KIAA0513: variants seen among roughly 807,000 people sequenced by gnomAD.
KIAA0513 encodes the protein KIAA0513.
Under a neutral mutation model 56.5 loss-of-function variants are expected in KIAA0513, and 39 were observed. That is an observed-to-expected ratio of 0.69 (90% CI 0.53 to 0.90). The LOEUF is 0.90. Ranked by LOEUF, KIAA0513 falls within the 40% of genes least tolerant of loss-of-function variation. The pLI, the probability that KIAA0513 is intolerant of heterozygous loss-of-function variation, is 0.00. For missense variants in KIAA0513, 591 were observed against 535.2 expected (o/e 1.10, Z -1.03); for synonymous variants, 268 against 215.6 (o/e 1.24, Z -2.13).
chr16:85,062,234 A>C (rs557616138), intron 1 of KIAA0513, among the ~76,000 whole-genome samples: 35 of 149,498 alleles, frequency 2.3e-4, no homozygotes, highest in African/African-American at 3.8e-4. Context: ...ACACACACAC[A>C]CCCCATAAGG....
Position 85,071,912 on chromosome 16 carries a change from G to A in KIAA0513, c.429+30G>A, listed in dbSNP as rs78653936. ...GGGCGAGGTGATGGGAAGGATGGGC[G>A]TTTACTCTCAAGGAAGAATCTAGTG... On this transcript the variant is annotated intron_variant, in intron 3 of 12. Transcript: ENST00000683363. 4.0e-4 allele frequency: 563 copies of A among 1,394,238 alleles called. 1 individual carries two copies. The highest frequency in any genetic ancestry group is 3.6e-4 in the East Asian group (16 of 43,870). 86.4% of individuals were successfully genotyped at this position (1,394,238 alleles called of 1,614,324 possible).
intron 10 of KIAA0513, among the ~76,000 whole-genome samples, chr16:85,084,867 C>T (rs2073790758): frequency 6.6e-6 from 1 of 152,236 alleles, no homozygotes; most frequent in Non-Finnish European, 1.5e-5. Context: ...CCGGCCTGAA[C>T]TCAGTTGTAA....
At chr16:85,072,177 G>T (rs367647830) in intron 3 of KIAA0513, among the ~76,000 whole-genome samples, 2 of 152,046 alleles carry the variant, frequency 1.3e-5, no homozygotes, top group South Asian at 2.1e-4. Flanking sequence ...ACATAGTGAG[G>T]TCCCCCCTCC....
chr16:85,067,283 G>C lies in KIAA0513; in HGVS notation c.212G>C (p.Arg71Pro), dbSNP rs1177796146. The C allele has an allele frequency of 4.3e-6, 7 of 1,613,782 alleles. No individual in the cohort carries two copies. The Admixed American group carries it at 8.3e-5, about 19-fold the overall frequency. Reference protein sequence around the residue: ...PSHPSWDQDRRSSSNESFSSN... With the variant: ...PSHPSWDQDRPSSSNESFSSN... ...CACCCGTCCTGGGACCAAGACCGCC[G>C]TTCCTCCTCCAACGAGTCCTTCTCC... The change falls in exon 2 of 13, where the codon CGT (arginine) becomes CCT (proline). Residue 71 changes from arginine (R) to proline (P), a missense_variant. By Grantham distance (103) the Arg-to-Pro change is moderately radical (BLOSUM62 -2). Coordinates refer to ENST00000683363, the MANE Select transcript of KIAA0513 (RefSeq NM_001388359.1).
chr16:85,036,311 C>A (rs1351335758), intron 1 of KIAA0513, among the ~76,000 whole-genome samples: 10 of 152,150 alleles, frequency 6.6e-5, no homozygotes, highest in African/African-American at 2.4e-4. Context: ...CAACGAAACC[C>A]CTTTCCCATT....
intron 1 of KIAA0513, among the ~76,000 whole-genome samples, chr16:85,042,235 A>G (rs1467599041): frequency 1.3e-5 from 2 of 152,214 alleles, no homozygotes; most frequent in Non-Finnish European, 2.9e-5. Context: ...AGTCTCTACT[A>G]AAGTGGGAAA....
In KIAA0513 at chr16:85,078,486, C is replaced by A. The variant is rs777423764; in HGVS notation, c.823+31C>A. 5.6e-6 allele frequency: 9 copies of A among 1,606,378 alleles called. No individual in the cohort carries two copies. The African/African-American group carries it at 1.2e-4, about 21-fold the overall frequency. On this transcript the variant is annotated intron_variant, in intron 7 of 12. Transcript: ENST00000683363. ...TCTGCCCAGGCAGCAGCAGGAGACGCCCAGCCCACAGCCCCTCAGCCAGCA... is the reference window on the plus strand; with the variant it reads ...TCTGCCCAGGCAGCAGCAGGAGACGACCAGCCCACAGCCCCTCAGCCAGCA...
intron 2 of KIAA0513, among the ~76,000 whole-genome samples, chr16:85,070,012 A>C (rs1042585960): frequency 3.2e-4 from 47 of 149,126 alleles, no homozygotes; most frequent in East Asian, 1.8e-3. Flanking sequence ...AAAAAAAAAA[A>C]CCACAAAAAT....
intron 1 of KIAA0513, among the ~76,000 whole-genome samples, chr16:85,036,938 C>A (rs2073044082): frequency 6.6e-6 from 1 of 152,136 alleles, no homozygotes; most frequent in Non-Finnish European, 1.5e-5. Context: ...TGCTTTCATT[C>A]TTGCAGGGTT....
Position 85,077,416 on chromosome 16 carries a change from T to G in KIAA0513, c.575-9T>G. 6.2e-7 allele frequency: 1 copy of G among 1,613,498 alleles called. No individual in the cohort carries two copies. The highest frequency in any genetic ancestry group is 8.5e-7 in the Non-Finnish European group (1 of 1,179,680). On this transcript the variant is annotated splice_polypyrimidine_tract_variant and intron_variant, in intron 5 of 12. Transcript: ENST00000683363. ...CACTGGCCTCGTCTTGTTCCCTCTC[T>G]CATCCAAGGAAAACCACAGCTGCTG...
chr16:85,072,303 A>C (rs907336160), intron 3 of KIAA0513, among the ~76,000 whole-genome samples: 11 of 152,226 alleles, frequency 7.2e-5, no homozygotes, highest in African/African-American at 2.7e-4. Context: ...AATTCCGGAA[A>C]AGCTCAGTTT....
At chr16:85,070,352 T>C (rs2073554855) in intron 2 of KIAA0513, among the ~76,000 whole-genome samples, 1 of 152,052 alleles carries the variant, frequency 6.6e-6, no homozygotes, top group Admixed American at 6.5e-5. Flanking sequence ...AAGAGAACCG[T>C]TATATGATAA....
intron 1 of KIAA0513, among the ~76,000 whole-genome samples, chr16:85,049,495 GC>G (rs2073218330): frequency 1.3e-5 from 2 of 152,194 alleles, no homozygotes; most frequent in Non-Finnish European, 2.9e-5. Flanking sequence ...TATCACGGGG[GC>G]GAATTTCTCA....
chr16:85,038,954 G>T (rs2073071103), intron 1 of KIAA0513, among the ~76,000 whole-genome samples: 1 of 152,166 alleles, frequency 6.6e-6, no homozygotes, highest in African/African-American at 2.4e-5. Context: ...GCACAGCTCT[G>T]ACCTGTTAGT....
rs777847771 is a variant in KIAA0513, at chr16:85,093,789, G to T, written c.*5464G>T. The T allele has an allele frequency of 6.6e-6, 1 of 152,280 alleles. No individual in the cohort carries two copies. The highest frequency in any genetic ancestry group is 1.5e-5 in the Non-Finnish European group (1 of 68,070). 9.4% of individuals were successfully genotyped at this position (152,280 alleles called of 1,614,324 possible). ...ACACGTGGAGAAAGAGAAGGCAAACGTTGGAACACTAGGAAAAGCTAGAAA... is the reference window on the plus strand; with the variant it reads ...ACACGTGGAGAAAGAGAAGGCAAACTTTGGAACACTAGGAAAAGCTAGAAA... On this transcript the variant is annotated 3_prime_UTR_variant, in exon 13 of 13. Coordinates refer to ENST00000683363, the MANE Select transcript of KIAA0513 (RefSeq NM_001388359.1).
At chr16:85,055,784 G>C (rs1172522168) in intron 1 of KIAA0513, among the ~76,000 whole-genome samples, 3 of 152,100 alleles carry the variant, frequency 2.0e-5, no homozygotes, top group South Asian at 2.1e-4. Flanking sequence ...GGTTTTTTCG[G>C]AGATGAGAAA....
chr16:85,030,487 C>T (rs185473568), intron 1 of KIAA0513, among the ~76,000 whole-genome samples: 37 of 152,290 alleles, frequency 2.4e-4, no homozygotes, highest in Non-Finnish European at 3.8e-4. Flanking sequence ...TGTTGTTTTC[C>T]TGTAATCCCA....
intron 1 of KIAA0513, among the ~76,000 whole-genome samples, chr16:85,061,828 G>A (rs541547415): frequency 3.3e-5 from 5 of 152,306 alleles, no homozygotes; most frequent in African/African-American, 9.6e-5. Context: ...GAAGTGGGGC[G>A]GAAGGGGTTG....
chr16:85,048,023 A>G (rs554276445), intron 1 of KIAA0513, among the ~76,000 whole-genome samples: 1 of 152,258 alleles, frequency 6.6e-6, no homozygotes, highest in African/African-American at 2.4e-5. Flanking sequence ...TAAGGAAACC[A>G]GAACCATAAG....
Sources: allele counts gnomAD v4.1 joint callset (sites outside exome capture counted in the v4.1 genomes callset), GRCh38; gene constraint gnomAD v4.1.1; transcripts MANE v1.5; gene names NCBI Gene and HGNC (gene_info 2026-07-23, HGNC 2026-07-21).